Variants in AKAP13 observed in about 807,000 individuals in gnomAD.
The protein encoded by AKAP13 is A-kinase anchor protein 13.
AKAP13 carries 80 observed loss-of-function variants against 264.5 expected under a neutral mutation model. That is an observed-to-expected ratio of 0.30 (90% CI 0.25 to 0.36). The LOEUF (loss-of-function observed/expected upper bound fraction) is 0.36, where lower values mean the gene tolerates loss of function less well. Ranked by LOEUF, AKAP13 falls within the 10% of genes least tolerant of loss-of-function variation. AKAP13 has a pLI of 1.00. For missense variants in AKAP13, 3,712 were observed against 3,435.2 expected, an observed-to-expected ratio of 1.08 and a Z score of -2.01; for synonymous variants, 1,380 against 1,250.2, an observed-to-expected ratio of 1.10 and a Z score of -2.19.
At chr15:85,671,864 A>G (rs1391215290) in intron 14 of AKAP13, among the ~76,000 whole-genome samples, 2 of 152,178 alleles carry the variant, frequency 1.3e-5, no homozygotes, top group African/African-American at 2.4e-5. Flanking sequence ...ACAGCAACAG[A>G]TAACTAGTAC....
chr15:85,492,502 A>C (rs1251833921), intron 2 of AKAP13, among the ~76,000 whole-genome samples: 4 of 152,234 alleles, frequency 2.6e-5, no homozygotes, highest in Non-Finnish European at 4.4e-5. Flanking sequence ...ACATATTTTT[A>C]TTTATTTTAG....
Position 85,546,321 on chromosome 15 carries a change from A to AACACACACACACACACACAC in AKAP13, c.662+2386_662+2405dup, listed in dbSNP as rs60271542. On this transcript the variant is annotated intron_variant, in intron 5 of 36. Coordinates refer to ENST00000394518, the MANE Select transcript of AKAP13 (RefSeq NM_007200.5). ...TAAATTTATATAATTGTTGTTACCA[A>AACACACACACACACACACAC]ACACACACACACACACACACACACA... Among the ~76,000 whole-genome samples, 343 of 145,256 alleles carry AACACACACACACACACACAC rather than the reference A, an allele frequency of 2.4e-3. 1 individual carries two copies. The highest frequency in any genetic ancestry group is 3.8e-3 in the Non-Finnish European group (248 of 65,876).
chr15:85,576,247 A>G (rs1295630659), intron 6 of AKAP13, among the ~76,000 whole-genome samples: 3 of 152,226 alleles, frequency 2.0e-5, no homozygotes, highest in Non-Finnish European at 4.4e-5. Context: ...GAAAGAACCA[A>G]CAGTTTCTGA....
chr15:85,418,055 TATTATTATTATC>T, intron 1 of AKAP13, among the ~76,000 whole-genome samples: 1 of 145,494 alleles, frequency 6.9e-6, no homozygotes, highest in South Asian at 2.1e-4. Flanking sequence ...TATTTATTAT[TATTATTATTATC>T]ATTATTATTA....
At position 85,580,391 on chromosome 15, in the gene AKAP13, C is replaced by G. The variant is rs151078144; in HGVS notation, c.2323C>G (p.Pro775Ala). The G allele has an allele frequency of 6.2e-7, 1 of 1,614,178 alleles. No homozygotes were observed. Among genetic ancestry groups the G allele is most frequent in the African/African-American group, 1.3e-5 (1 of 75,058 alleles). ...VVPKMEKELV[P>A]DQAVISDSTF... ...CCCTAAAATGGAGAAAGAACTGGTG[C>G]CAGACCAGGCAGTAATATCAGACAG... The change falls in exon 7 of 37, where the codon CCA (proline) becomes GCA (alanine). Residue 775 changes from proline to alanine, a missense_variant. This residue lies in a region of AKAP13 where 2,759 missense variants were observed against 2,411.7 expected (regional missense o/e 1.14). Transcript: ENST00000394518.
At chr15:85,382,763 G>A (rs184338466) in intron 1 of AKAP13, among the ~76,000 whole-genome samples, 2 of 152,274 alleles carry the variant, frequency 1.3e-5, no homozygotes, top group Non-Finnish European at 2.9e-5. Flanking sequence ...ACCTTATTTA[G>A]CTTTTTACCC....
intron 13 of AKAP13, among the ~76,000 whole-genome samples, chr15:85,668,364 T>C (rs2083721083): frequency 6.6e-6 from 1 of 152,148 alleles, no homozygotes; most frequent in Non-Finnish European, 1.5e-5. Context: ...CAGTTAACAA[T>C]TGGAATGGGC....
intron 16 of AKAP13, chr15:85,685,096 T>C (rs1192834271): frequency 2.1e-6 from 1 of 475,762 alleles, no homozygotes; most frequent in Non-Finnish European, 3.6e-6. Context: ...GCTTTCCATA[T>C]ATTATTTAAC....
intron 8 of AKAP13, among the ~76,000 whole-genome samples, chr15:85,601,608 T>TGTGTGTGTGTGTGTG (rs2080075703): frequency 1.1e-4 from 15 of 132,082 alleles, no homozygotes; most frequent in South Asian, 2.5e-4. Context: ...CCTGAATTCT[T>TGTGTGTGTGTGTGTG]TGTGTGTGTG....
chr15:85,636,647 C>T (rs1308906993), intron 8 of AKAP13, among the ~76,000 whole-genome samples: 2 of 147,662 alleles, frequency 1.4e-5, no homozygotes, highest in African/African-American at 5.0e-5. Context: ...CAGATTCTTG[C>T]TTTGTTGTCC....
At chr15:85,392,902 A>G (rs566985823) in intron 1 of AKAP13, among the ~76,000 whole-genome samples, 2 of 152,352 alleles carry the variant, frequency 1.3e-5, no homozygotes, top group East Asian at 3.9e-4. Context: ...ATCAGCATTA[A>G]CTTAGATTTT....
intron 8 of AKAP13, among the ~76,000 whole-genome samples, chr15:85,629,986 C>A (rs902841502): frequency 1.3e-5 from 2 of 151,228 alleles, no homozygotes; most frequent in Non-Finnish European, 3.0e-5. Context: ...TTCCATGTTG[C>A]CCAGGCTGGT....
chr15:85,629,202 G>A (rs1419126037), intron 8 of AKAP13, among the ~76,000 whole-genome samples: 1 of 151,892 alleles, frequency 6.6e-6, no homozygotes, highest in African/African-American at 2.4e-5. Context: ...TGAAAAGGAA[G>A]GAAGTGAGGG....
chr15:85,692,067 A>G (rs1198056507), intron 16 of AKAP13, among the ~76,000 whole-genome samples: 2 of 151,976 alleles, frequency 1.3e-5, no homozygotes, highest in African/African-American at 4.8e-5. Context: ...TTTTTGAGAA[A>G]AATTATTAAC....
chr15:85,668,021 C>T (rs953537541), intron 13 of AKAP13, among the ~76,000 whole-genome samples: 10 of 152,128 alleles, frequency 6.6e-5, no homozygotes, highest in African/African-American at 2.4e-4. Context: ...TCTCTACTTA[C>T]CCATAGTTTT....
At chr15:85,403,961 T>C (rs1479560109) in intron 1 of AKAP13, among the ~76,000 whole-genome samples, 2 of 152,176 alleles carry the variant, frequency 1.3e-5, no homozygotes, top group South Asian at 4.1e-4. Flanking sequence ...GTTGGAATAC[T>C]GCCCTGAGGC....
intron 1 of AKAP13, among the ~76,000 whole-genome samples, chr15:85,395,708 T>C (rs1191989810): frequency 6.6e-6 from 1 of 152,194 alleles, no homozygotes; most frequent in African/African-American, 2.4e-5. Flanking sequence ...ATGATTGTTT[T>C]TCCTATTTAG....
intron 2 of AKAP13, among the ~76,000 whole-genome samples, chr15:85,497,283 G>C (rs1020903867): frequency 6.6e-6 from 1 of 152,214 alleles, no homozygotes; most frequent in African/African-American, 2.4e-5. Flanking sequence ...GGGAGGAAGG[G>C]GCTCAGATGC....
At chr15:85,629,763 C>CG (rs1567164100) in intron 8 of AKAP13, among the ~76,000 whole-genome samples, 1 of 76,150 alleles carries the variant, frequency 1.3e-5, no homozygotes. Context: ...TCCTTTACAG[C>CG]CTTTTTTTTT....
Sources: allele counts gnomAD v4.1 joint callset (sites outside exome capture counted in the v4.1 genomes callset), GRCh38; gene constraint gnomAD v4.1.1; regional missense constraint gnomAD v4.1.1; transcripts MANE v1.5; gene names NCBI Gene and HGNC (gene_info 2026-07-23, HGNC 2026-07-21).